TP63: variants seen among roughly 807,000 people sequenced by gnomAD.
TP63 encodes tumor protein 63.
Under a neutral mutation model 82.8 loss-of-function variants are expected in TP63, and 17 were observed. The observed-to-expected ratio is 0.21, with a 90% CI of 0.14 to 0.31. The LOEUF (loss-of-function observed/expected upper bound fraction) is 0.31, where lower values mean the gene tolerates loss of function less well. Among genes scored for constraint, TP63 ranks in the 10% least tolerant of loss-of-function variants. The pLI is 1.00. For synonymous variants in TP63, 330 were observed against 321.7 expected (o/e 1.03, Z -0.28); for missense variants, 648 against 895.3 (o/e 0.72, Z 3.52).
chr3:189,627,359 T>G (rs1036634750), upstream of TP63, among the ~76,000 whole-genome samples: 3 of 151,998 alleles, frequency 2.0e-5, no homozygotes, highest in African/African-American at 7.3e-5. Flanking sequence ...ATAATAAGAG[T>G]GAATTACTGA....
chr3:189,702,867 T>G (rs1399078416), intron 1 of TP63, among the ~76,000 whole-genome samples: 6 of 152,220 alleles, frequency 3.9e-5, no homozygotes, highest in Non-Finnish European at 8.8e-5. Flanking sequence ...AAATAATATA[T>G]GTATAAAGAA....
At chr3:189,598,635 G>A in the TP63 span, among the ~76,000 whole-genome samples, 3 of 152,154 alleles carry the variant, frequency 2.0e-5, no homozygotes, top group African/African-American at 7.2e-5. Flanking sequence ...ATATCAGCCC[G>A]ATAACAGAAG....
In TP63 at chr3:189,895,843, C is replaced by T. The variant is rs1721425501; in HGVS notation, c.*1341C>T. 2 of 225,518 alleles carry T rather than the reference C, an allele frequency of 8.9e-6. No individual in the cohort carries two copies. The highest frequency in any genetic ancestry group is 1.1e-4 in the Admixed American group (2 of 17,508). The allele number at this position is 225,518 out of a possible 1,614,324, so 14.0% of individuals were successfully genotyped here. ...AATTATGAGATTGGTTTTCCTGTGG[C>T]ATAAATTGCATCACTGTATCATTTT... On this transcript the variant is annotated 3_prime_UTR_variant, in exon 14 of 14. Transcript: ENST00000264731.
intron 1 of TP63, among the ~76,000 whole-genome samples, chr3:189,710,747 A>T (rs941943649): frequency 6.6e-6 from 1 of 152,182 alleles, no homozygotes; most frequent in East Asian, 1.9e-4. Context: ...CAACAGAGTC[A>T]GGGAAATTCC....
the TP63 span, among the ~76,000 whole-genome samples, chr3:189,597,991 C>T: frequency 5.3e-5 from 8 of 150,446 alleles, no homozygotes; most frequent in Non-Finnish European, 1.2e-4. Flanking sequence ...AATAATTTTA[C>T]CAGAGACTTA....
intron 1 of TP63, among the ~76,000 whole-genome samples, chr3:189,734,823 C>G (rs1214861444): frequency 6.6e-6 from 1 of 152,264 alleles, no homozygotes; most frequent in Middle Eastern, 3.4e-3. Flanking sequence ...TATGCCTTGA[C>G]CTTTTCCAAC....
intron 4 of TP63, among the ~76,000 whole-genome samples, chr3:189,827,299 T>C (rs1251053171): frequency 6.6e-6 from 1 of 152,186 alleles, no homozygotes; most frequent in Non-Finnish European, 1.5e-5. Flanking sequence ...ACTTATTCTT[T>C]AAAACTCATT....
intron 3 of TP63, among the ~76,000 whole-genome samples, chr3:189,765,433 C>CTGTTTTTTTTTTTTTTTTTTTTTT (rs1722869780): frequency 6.6e-5 from 2 of 30,088 alleles, no homozygotes; most frequent in Non-Finnish European, 1.2e-4. Context: ...CTGTCCTCTG[C>CTGTTTTTTTTTTTTTTTTTTTTTT]TTTTTTTTTT....
intron 4 of TP63, among the ~76,000 whole-genome samples, chr3:189,819,036 C>T (rs777367306): frequency 8.5e-5 from 13 of 152,180 alleles, no homozygotes; most frequent in South Asian, 4.2e-4. Context: ...ATTTGGAAGA[C>T]GGTGGATAGT....
chr3:189,892,642 A>G (rs1007422649), intron 13 of TP63, among the ~76,000 whole-genome samples: 1 of 151,932 alleles, frequency 6.6e-6, no homozygotes, highest in Non-Finnish European at 1.5e-5. Context: ...AATACAAAAA[A>G]TTAGCCAGGT....
chr3:189,689,104 C>CTTTTTTTT (rs776704674), intron 1 of TP63, among the ~76,000 whole-genome samples: 2 of 68,322 alleles, frequency 2.9e-5, no homozygotes, highest in Non-Finnish European at 4.7e-5. Flanking sequence ...CTACCTTTTT[C>CTTTTTTTT]TTTTTTTTTT....
the TP63 span, among the ~76,000 whole-genome samples, chr3:189,605,999 AG>A: frequency 1.7e-4 from 26 of 152,346 alleles, no homozygotes; most frequent in Non-Finnish European, 2.5e-4. Flanking sequence ...GTGGTTCCAA[AG>A]ACCATACACA....
At chr3:189,837,972 T>G (rs189911418) in intron 4 of TP63, among the ~76,000 whole-genome samples, 2 of 152,222 alleles carry the variant, frequency 1.3e-5, no homozygotes, top group Non-Finnish European at 2.9e-5. Context: ...TACAATTAAA[T>G]TTTAATTAGG....
intron 1 of TP63, among the ~76,000 whole-genome samples, chr3:189,690,804 C>T (rs564513295): frequency 2.0e-5 from 3 of 152,230 alleles, no homozygotes; most frequent in Non-Finnish European, 2.9e-5. Context: ...ATTTTAGAGG[C>T]ACATTACCTT....
chr3:189,875,623 T>TATATATAC (rs1719057074), intron 10 of TP63, among the ~76,000 whole-genome samples: 1 of 107,834 alleles, frequency 9.3e-6, no homozygotes, highest in African/African-American at 3.3e-5. Context: ...TATATATATA[T>TATATATAC]ATATATATAT....
At chr3:189,823,616 G>A (rs1729024942) in intron 4 of TP63, among the ~76,000 whole-genome samples, 2 of 152,088 alleles carry the variant, frequency 1.3e-5, no homozygotes, top group Admixed American at 6.5e-5. Flanking sequence ...CAGAAAAGGA[G>A]CCAAAATGAT....
At chr3:189,875,609 T>TATATATACAC (rs1553859655) in intron 10 of TP63, among the ~76,000 whole-genome samples, 2 of 62,994 alleles carry the variant, frequency 3.2e-5, no homozygotes, top group East Asian at 4.1e-4. Flanking sequence ...TATATATATA[T>TATATATACAC]ATATATATAT....
intron 4 of TP63, among the ~76,000 whole-genome samples, chr3:189,836,070 G>A (rs530358921): frequency 2.6e-5 from 4 of 152,084 alleles, no homozygotes; most frequent in East Asian, 1.9e-4. Context: ...TTGATCACAC[G>A]GGTAGTGGTT....
chr3:189,780,719 C>T (rs1163738480), intron 3 of TP63, among the ~76,000 whole-genome samples: 1 of 152,176 alleles, frequency 6.6e-6, no homozygotes, highest in Non-Finnish European at 1.5e-5. Flanking sequence ...GAAGATGACA[C>T]CAGCCTGGTG....
Sources: gnomAD v4.1 joint callset for allele counts (sites outside exome capture counted in the v4.1 genomes callset) on GRCh38, gnomAD v4.1.1 for gene constraint, MANE v1.5 for transcripts, NCBI Gene and HGNC (gene_info 2026-07-23, HGNC 2026-07-21) for gene names.